VWF: variants seen among roughly 807,000 people sequenced by gnomAD.
The protein encoded by VWF is von Willebrand factor, also known as Factor VIII related antigen.
Under a neutral mutation model 308.6 loss-of-function variants are expected in VWF, and 176 were observed. That is an observed-to-expected ratio of 0.57 (90% CI 0.50 to 0.65). The LOEUF (loss-of-function observed/expected upper bound fraction) is 0.65, where lower values mean the gene tolerates loss of function less well. Ranked by LOEUF, VWF falls within the 30% of genes least tolerant of loss-of-function variation. VWF has a pLI of 0.00. For synonymous variants in VWF, 1,385 were observed against 1,443.4 expected, an observed-to-expected ratio of 0.96 and a Z score of 0.92; for missense variants, 3,146 against 3,648.2, an observed-to-expected ratio of 0.86 and a Z score of 3.55.
intron 3 of VWF, among the ~76,000 whole-genome samples, chr12:6,114,921 G>A (rs369027111): frequency 7.2e-5 from 11 of 152,194 alleles, no homozygotes; most frequent in African/African-American, 1.7e-4. Flanking sequence ...GGGCTGCATC[G>A]TGCCCTTCAG....
chr12:5,959,141 A>G (rs1943282638), intron 47 of VWF, among the ~76,000 whole-genome samples: 1 of 152,202 alleles, frequency 6.6e-6, no homozygotes, highest in African/African-American at 2.4e-5. Context: ...TAGGAGGCCA[A>G]GGCTGTAGTG....
intron 42 of VWF, among the ~76,000 whole-genome samples, chr12:5,979,966 G>T (rs1403728730): frequency 6.7e-6 from 1 of 149,464 alleles, no homozygotes; most frequent in African/African-American, 2.5e-5. Flanking sequence ...GTGTGAACCC[G>T]GGAGGTGGAG....
chr12:6,031,726 G>C, intron 20 of VWF, 148 bp from the exon 21 acceptor site: 1 of 1,302,892 alleles, frequency 7.7e-7, no homozygotes, highest in Non-Finnish European at 1.1e-6. Context: ...CTCTGTGTGT[G>C]TCTGGGGGAC....
intron 6 of VWF, among the ~76,000 whole-genome samples, chr12:6,092,616 A>AGTGAGT (rs796249343): frequency 1.0e-5 from 1 of 96,622 alleles, no homozygotes; most frequent in African/African-American, 5.4e-5. Flanking sequence ...TGAGTGAGTG[A>AGTGAGT]GAGTGTGTGT....
intron 6 of VWF, among the ~76,000 whole-genome samples, chr12:6,092,618 AGT>A (rs752209524): frequency 0.046 from 3,030 of 65,844 alleles, 42 homozygotes; most frequent in Admixed American, 0.056. Flanking sequence ...AGTGAGTGAG[AGT>A]GTGTGTGTGT....
In VWF at chr12:5,977,825, G is replaced by T. The variant is rs749888525; in HGVS notation, c.7288-1565C>A. On this transcript the variant is annotated intron_variant, in intron 42 of 51. Transcript: ENST00000261405. ...GTGGAGGCTGAAGTTAGTTGAGGTC[G>T]CATAACTGCACTTGTGCCTGGGTGA... Among the ~76,000 whole-genome samples, 49 of 150,654 alleles carry T rather than the reference G, an allele frequency of 3.3e-4. 1 individual carries two copies. The highest frequency in any genetic ancestry group is 6.2e-4 in the South Asian group (3 of 4,802).
At chr12:6,092,631 GTGTGTGTGTGT>G (rs1358969664) in intron 6 of VWF, among the ~76,000 whole-genome samples, 1 of 132,814 alleles carries the variant, frequency 7.5e-6, no homozygotes, top group Non-Finnish European at 1.6e-5. Context: ...GTGTGTGTGT[GTGTGTGTGTGT>G]GTGTGTGTGT....
chr12:6,036,425 C>A lies in VWF; in HGVS notation c.2509G>T (p.Ala837Ser). 6.2e-7 allele frequency: 1 copy of A among 1,614,224 alleles called. No homozygotes were observed. Among genetic ancestry groups the A allele is most frequent in the Non-Finnish European group, 8.5e-7 (1 of 1,180,034 alleles). ...CCAATCTTCACTGTTTCTCCAGGGG[C>A]ATACTCCTTGCCCTGATGGAAGCAG... ...CPCFHQGKEY[A>S]PGETVKIGCN... The change falls in exon 19 of 52, where the codon GCC (alanine) becomes TCC (serine). Residue 837 changes from alanine to serine, a missense_variant. Transcript: ENST00000261405.
intron 38 of VWF, among the ~76,000 whole-genome samples, chr12:5,990,981 G>C (rs1943735338): frequency 1.3e-5 from 2 of 149,700 alleles, no homozygotes; most frequent in African/African-American, 5.0e-5. Context: ...TCATATAGTG[G>C]AAAGAGCCAG....
In VWF at chr12:5,948,909, G is replaced by T. The variant is rs966821736; in HGVS notation, c.*106C>A. On this transcript the variant is annotated 3_prime_UTR_variant, in exon 52 of 52. Coordinates refer to ENST00000261405, the MANE Select transcript of VWF (RefSeq NM_000552.5). This position sits in a 1 kb window ranked among gnomAD's most constrained non-coding sequence, Gnocchi z 4.4. Reference sequence around the variant, plus strand: ...AGATAAGAGCTCAGCCTTTATTGTGGGCTCAGAAGGGCACAAGAGCAGAAC... The same window carrying T: ...AGATAAGAGCTCAGCCTTTATTGTGTGCTCAGAAGGGCACAAGAGCAGAAC... 2.3e-6 allele frequency: 3 copies of T among 1,309,360 alleles called. No homozygotes were observed. Among genetic ancestry groups the T allele is most frequent in the Non-Finnish European group, 3.2e-6 (3 of 930,362 alleles). The allele number at this position is 1,309,360 out of a possible 1,614,324, so 81.1% of individuals were successfully genotyped here.
intron 36 of VWF, 23 bp from the exon 37 acceptor site, chr12:5,994,226 A>C: frequency 1.9e-6 from 3 of 1,613,778 alleles, no homozygotes; most frequent in Non-Finnish European, 2.5e-6. Context: ...ACAAACAAAA[A>C]AAAGATAAAC....
intron 6 of VWF, among the ~76,000 whole-genome samples, chr12:6,092,614 T>TGAGTGAGA (rs71064187): frequency 0.066 from 5,675 of 85,972 alleles, 317 homozygotes; most frequent in Middle Eastern, 0.13. Context: ...AGTGAGTGAG[T>TGAGTGAGA]GAGAGTGTGT....
chr12:5,951,672 G>A (rs1260826197), intron 50 of VWF, among the ~76,000 whole-genome samples, 172 bp downstream of exon 50: 1 of 152,194 alleles, frequency 6.6e-6, no homozygotes, highest in Non-Finnish European at 1.5e-5. Flanking sequence ...GCTGCTCCCT[G>A]CAAGACTGAA....
chr12:6,014,979 T>C (rs1944040395), intron 31 of VWF, among the ~76,000 whole-genome samples: 1 of 152,348 alleles, frequency 6.6e-6, no homozygotes, highest in East Asian at 1.9e-4. Flanking sequence ...AAAATCTCCA[T>C]CCTGAAATTC....
intron 15 of VWF, among the ~76,000 whole-genome samples, chr12:6,055,238 T>C (rs1298924034): frequency 1.3e-5 from 2 of 152,166 alleles, no homozygotes; most frequent in Admixed American, 6.5e-5. Context: ...TGTCCTAAAT[T>C]AAGAAATCCT....
At chr12:5,965,857 C>T (rs982591540) in intron 47 of VWF, among the ~76,000 whole-genome samples, 1 of 152,044 alleles carries the variant, frequency 6.6e-6, no homozygotes, top group Non-Finnish European at 1.5e-5. Flanking sequence ...AGAGGGAGGG[C>T]GAATCTAAGG....
At chr12:6,069,809 T>C (rs1207091266) in intron 10 of VWF, among the ~76,000 whole-genome samples, 1 of 152,262 alleles carries the variant, frequency 6.6e-6, no homozygotes, top group African/African-American at 2.4e-5. Context: ...AGTCATCTTC[T>C]AGATTTTGAA....
intron 47 of VWF, among the ~76,000 whole-genome samples, chr12:5,954,874 G>A (rs1162484826): frequency 2.0e-5 from 3 of 152,142 alleles, no homozygotes; most frequent in African/African-American, 7.2e-5. Context: ...CTTCATAAGG[G>A]ACAAGCCTTC....
intron 10 of VWF, among the ~76,000 whole-genome samples, chr12:6,066,069 G>A (rs1033164311): frequency 3.3e-5 from 5 of 152,164 alleles, no homozygotes; most frequent in Non-Finnish European, 5.9e-5. Flanking sequence ...GTGGGGACTA[G>A]GACTCCCCTT....
Sources: allele counts gnomAD v4.1 joint callset (sites outside exome capture counted in the v4.1 genomes callset), GRCh38; gene constraint gnomAD v4.1.1; non-coding constraint Gnocchi (gnomAD v3.1); transcripts MANE v1.5; gene names NCBI Gene and HGNC (gene_info 2026-07-23, HGNC 2026-07-21).